OLFML1: variants seen among roughly 807,000 people sequenced by gnomAD.
The protein encoded by OLFML1 is olfactomedin-like protein 1.
A neutral mutation model predicts 37.3 loss-of-function variants in OLFML1; 33 were observed. That is an observed-to-expected ratio of 0.88 (90% CI 0.67 to 1.18). The LOEUF is 1.18. Among genes scored for constraint, OLFML1 ranks in the 50% most tolerant of loss-of-function variants. OLFML1 has a pLI of 0.00. For missense variants in OLFML1, 545 were observed against 483.7 expected (o/e 1.13, Z -1.19); for synonymous variants, 186 against 181.3 (o/e 1.03, Z -0.21).
At chr11:7,500,100 G>A (rs560732610) in intron 2 of OLFML1, among the ~76,000 whole-genome samples, 73 of 152,096 alleles carry the variant, frequency 4.8e-4, no homozygotes, top group African/African-American at 1.7e-3. Context: ...ACTATGTTGC[G>A]CACATTGGTC....
At chr11:7,492,708 G>A (rs1848613862) in intron 2 of OLFML1, among the ~76,000 whole-genome samples, 1 of 152,148 alleles carries the variant, frequency 6.6e-6, no homozygotes, top group Admixed American at 6.5e-5. Flanking sequence ...TACAATCTTA[G>A]AATCTTAACT....
In OLFML1 at chr11:7,510,016, A is replaced by G. The variant is rs1848840323; in HGVS notation, c.1037A>G (p.Asp346Gly). The change falls in exon 3 of 3, where the codon GAT becomes GGT. Residue 346 changes from aspartate (D) to glycine (G), a missense_variant. Coordinates refer to ENST00000329293, the MANE Select transcript of OLFML1 (RefSeq NM_198474.4). ...CCTCATCGCATCACCTGCATCTATG[A>G]TCCACTGGGCACTATCAGTGAGGAG... is the stretch of plus-strand genomic sequence containing the variant. The part of the protein sequence containing the change: ...QGPHRITCIY[D>G]PLGTISEEDL... 5 of 1,614,202 alleles carry G rather than the reference A, an allele frequency of 3.1e-6. No homozygotes were observed. Among genetic ancestry groups the G allele is most frequent in the African/African-American group, 2.7e-5 (2 of 75,036 alleles).
intron 2 of OLFML1, chr11:7,504,700 A>G (rs1848763447): frequency 6.6e-6 from 1 of 152,206 alleles, no homozygotes; most frequent in South Asian, 2.1e-4. Context: ...TCATATGGAA[A>G]GCATGATAGG....
Position 7,510,079 on chromosome 11 carries a change from G to A in OLFML1, c.1100G>A (p.Ser367Asn), listed in dbSNP as rs1590065302. 1 of 1,614,204 alleles carries A rather than the reference G, an allele frequency of 6.2e-7. No individual in the cohort carries two copies. Among genetic ancestry groups the A allele is most frequent in the African/African-American group, 1.3e-5 (1 of 75,054 alleles). The change falls in exon 3 of 3, where the codon AGT becomes AAT. Residue 367 changes from serine (S) to asparagine (N), a missense_variant. By Grantham distance (46) the Ser-to-Asn change is conservative. Transcript: ENST00000329293. Reference protein sequence around the residue: ...PNLFFPKRPRSHSMIHYNPRD... With the variant: ...PNLFFPKRPRNHSMIHYNPRD... ...TTGTTCTTCCCCAAGAGACCAAGAA[G>A]TCACTCCATGATCCATTACAACCCC...
chr11:7,487,058 C>T (rs7949140), intron 1 of OLFML1, among the ~76,000 whole-genome samples: 41,648 of 152,114 alleles, frequency 0.27, 6,049 homozygotes, highest in African/African-American at 0.36. Flanking sequence ...ACCGACTTGC[C>T]TTGGGAGTAA....
In OLFML1 at chr11:7,490,929, C is replaced by T. The variant is rs111975292; in HGVS notation, c.418+2514C>T. ...TTCTCCTCTGTGTAGAATGTATTTT[C>T]GTCATTTACCATCAATTATCAACAA... On this transcript the variant is annotated intron_variant, in intron 2 of 2. Coordinates refer to ENST00000329293, the MANE Select transcript of OLFML1 (RefSeq NM_198474.4). 8.6e-3 allele frequency among the ~76,000 whole-genome samples: 1,309 copies of T among 152,102 alleles called. 16 individuals are homozygous for T. The highest frequency in any genetic ancestry group is 0.03 in the African/African-American group (1,255 of 41,480).
rs1848853569 is a variant in OLFML1, at chr11:7,511,027, G to A, written c.*839G>A. ...TTTAGGTGAGTAACACAATTACAAA[G>A]TGAAAGATACAGCTAGAAAATACTA... On this transcript the variant is annotated 3_prime_UTR_variant, in exon 3 of 3. Transcript: ENST00000329293. 6.6e-6 allele frequency: 1 copy of A among 152,182 alleles called. No individual in the cohort carries two copies. The allele number at this position is 152,182 out of a possible 1,614,324, so 9.4% of individuals were successfully genotyped here. A position where few individuals can be genotyped will look rare whatever the true frequency, so the allele number is the denominator to read the frequency against.
At chr11:7,501,975 CA>C (rs1213511348) in intron 2 of OLFML1, among the ~76,000 whole-genome samples, 1 of 152,056 alleles carries the variant, frequency 6.6e-6, no homozygotes, top group Admixed American at 6.6e-5. Context: ...GTAAATAAAA[CA>C]GATGAAATAA....
In OLFML1 at chr11:7,485,883, TGGCCCTTCGAGGA is replaced by T. The variant is rs760532975; in HGVS notation, c.10_22del (p.Ala4LeufsTer83). On this transcript the variant is annotated frameshift_variant, in exon 1 of 3. Coordinates refer to ENST00000329293, the MANE Select transcript of OLFML1 (RefSeq NM_198474.4). LOFTEE classifies it high-confidence loss of function. ...TGCTTGGTGTTTTGCAGGATGATGG[TGGCCCTTCGAGGA>T]GCTTCTGCATTGCTGGTTCTGTTCC... 8 of 1,613,344 alleles carry T rather than the reference TGGCCCTTCGAGGA, an allele frequency of 5.0e-6. No homozygotes were observed. Among genetic ancestry groups the T allele is most frequent in the Non-Finnish European group, 6.8e-6 (8 of 1,179,914 alleles).
At position 7,509,913 on chromosome 11, in the gene OLFML1, T is replaced by G. The variant is rs1443919047; in HGVS notation, c.934T>G (p.Cys312Gly). 4 of 1,614,234 alleles carry G rather than the reference T, an allele frequency of 2.5e-6. No individual in the cohort carries two copies. The highest frequency in any genetic ancestry group is 3.4e-6 in the Non-Finnish European group (4 of 1,180,044). ...AGTGGAGCATTCATGGGATACCCCA[T>G]GCAGAAGCCAGGATGCTGAAGCCTC... ...LGVEHSWDTP[C>G]RSQDAEASFL... Residue 312 changes from cysteine to glycine, a missense_variant, in exon 3 of 3, where the codon TGC becomes GGC. Physicochemically the swap from Cys to Gly is radical, Grantham distance 159 (BLOSUM62 -3). Transcript: ENST00000329293.
intron 2 of OLFML1, among the ~76,000 whole-genome samples, chr11:7,500,620 ACT>A (rs1848709698): frequency 6.6e-6 from 1 of 152,116 alleles, no homozygotes; most frequent in Admixed American, 6.5e-5. Context: ...TACCACTTAA[ACT>A]TATTATGAGT....
At position 7,488,024 on chromosome 11, in the gene OLFML1, G is replaced by A. The variant is rs1848544722; in HGVS notation, c.130-103G>A. The A allele has an allele frequency of 1.2e-5, 9 of 765,332 alleles. No individual in the cohort carries two copies. In the South Asian group the frequency reaches 1.6e-4, roughly 13 times the overall value. 47.4% of individuals were successfully genotyped at this position (765,332 alleles called of 1,614,324 possible). ...GATTTCAATTTTTCCCCTATTTGAT[G>A]ATGTGTAATTTTCTAATCCTTTTCT... On this transcript the variant is annotated intron_variant, in intron 1 of 2. Coordinates refer to ENST00000329293, the MANE Select transcript of OLFML1 (RefSeq NM_198474.4).
intron 2 of OLFML1, among the ~76,000 whole-genome samples, chr11:7,500,035 G>A (rs941717516): frequency 6.6e-6 from 1 of 152,120 alleles, no homozygotes; most frequent in African/African-American, 2.4e-5. Flanking sequence ...GGGACTGCAG[G>A]GGATGTGCCA....
intron 2 of OLFML1, among the ~76,000 whole-genome samples, chr11:7,503,373 T>C (rs1450442456): frequency 3.3e-5 from 5 of 151,882 alleles, no homozygotes; most frequent in African/African-American, 7.3e-5. Context: ...GAGGGGGATA[T>C]CCCAGAATCA....
intron 2 of OLFML1, among the ~76,000 whole-genome samples, chr11:7,506,370 G>A (rs1312209702): frequency 2.6e-5 from 4 of 152,198 alleles, no homozygotes; most frequent in Non-Finnish European, 5.9e-5. Flanking sequence ...TCTAAGATGT[G>A]TGTGAGGGTA....
At chr11:7,505,102 AT>A (rs10642637) in intron 2 of OLFML1, among the ~76,000 whole-genome samples, 136 of 142,850 alleles carry the variant, frequency 9.5e-4, no homozygotes, top group Middle Eastern at 3.7e-3. Context: ...TAATTATTGT[AT>A]TTTTTTTTTT....
intron 2 of OLFML1, among the ~76,000 whole-genome samples, chr11:7,502,871 G>A (rs1848740116): frequency 6.6e-6 from 1 of 152,300 alleles, no homozygotes; most frequent in Admixed American, 6.5e-5. Flanking sequence ...CTCCCAAAGT[G>A]CTAGGATTAT....
At position 7,511,295 on chromosome 11, in the gene OLFML1, CTT is replaced by C. The variant is rs1351275009; in HGVS notation, c.*1109_*1110del. The C allele has an allele frequency of 1.3e-5, 2 of 152,236 alleles. No individual in the cohort carries two copies. The highest frequency in any genetic ancestry group is 6.5e-5 in the Admixed American group (1 of 15,290). The allele number at this position is 152,236 out of a possible 1,614,324, so 9.4% of individuals were successfully genotyped here. Reference sequence around the variant, plus strand: ...TTGTCTTGCTGTCCTCTGTTTCTCTCTTTCTGCTTTAAATTCAATAAAAGTGA... The same window carrying C: ...TTGTCTTGCTGTCCTCTGTTTCTCTCTCTGCTTTAAATTCAATAAAAGTGA... On this transcript the variant is annotated 3_prime_UTR_variant, in exon 3 of 3. Transcript: ENST00000329293.
chr11:7,497,506 G>C (rs1167642318), intron 2 of OLFML1, among the ~76,000 whole-genome samples: 1 of 152,178 alleles, frequency 6.6e-6, no homozygotes. Context: ...TATGTTGCCT[G>C]TGTTGGACTC....
Sources: gnomAD v4.1 joint callset for allele counts (sites outside exome capture counted in the v4.1 genomes callset) on GRCh38, gnomAD v4.1.1 for gene constraint, MANE v1.5 for transcripts, NCBI Gene and HGNC (gene_info 2026-07-23, HGNC 2026-07-21) for gene names.